MAGI1: variants seen among roughly 807,000 people sequenced by gnomAD.
The protein encoded by MAGI1 is membrane associated guanylate kinase, WW and PDZ domain containing 1.
MAGI1 carries 58 observed loss-of-function variants against 139.9 expected under a neutral mutation model. That is an observed-to-expected ratio of 0.41 (90% CI 0.34 to 0.52). MAGI1 has a LOEUF of 0.52. MAGI1 is among the 20% of genes least tolerant of loss of function. The pLI, the probability that MAGI1 is intolerant of heterozygous loss-of-function variation, is 0.12. For synonymous variants in MAGI1, 812 were observed against 737.9 expected (o/e 1.10, Z -1.63); for missense variants, 1,874 against 1,901.6 (o/e 0.99, Z 0.27).
At chr3:66,030,676 G>C (rs1308680907) in intron 1 of MAGI1, among the ~76,000 whole-genome samples, 1 of 152,128 alleles carries the variant, frequency 6.6e-6, no homozygotes, top group Non-Finnish European at 1.5e-5. Context: ...CCTGTAAGAT[G>C]ATCAGGTGGG....
In MAGI1 at chr3:65,958,038, T is replaced by C. The variant is rs75928690; in HGVS notation, c.313+79958A>G. ...CCTCCCAAAGTGCTGGAATTACAGG[T>C]GTGAGCCACCGCGCCTGGCCTAGTT... On this transcript the variant is annotated intron_variant, in intron 1 of 22. Coordinates refer to ENST00000402939, the MANE Select transcript of MAGI1 (RefSeq NM_001033057.2). Among the ~76,000 whole-genome samples, 1,223 of 152,168 alleles carry C rather than the reference T, an allele frequency of 8.0e-3. 43 individuals carry two copies. In the East Asian group the frequency reaches 0.1, roughly 13 times the overall value.
At position 65,418,263 on chromosome 3, in the gene MAGI1, T is replaced by C. The variant is rs73832834; in HGVS notation, c.2167+11257A>G. Among the ~76,000 whole-genome samples, 1,062 of 152,252 alleles carry C rather than the reference T, an allele frequency of 7.0e-3. 10 individuals are homozygous for C. The highest frequency in any genetic ancestry group is 0.024 in the African/African-American group (1,006 of 41,554). ...TATTACTGACGGTAAAGCTCACTTG[T>C]TAGTCTTGCCTCCCTAACTAGATTG... On this transcript the variant is annotated intron_variant, in intron 12 of 22. Transcript: ENST00000402939.
At chr3:65,500,561 T>C (rs1472042602) in intron 2 of MAGI1, among the ~76,000 whole-genome samples, 1 of 152,248 alleles carries the variant, frequency 6.6e-6, no homozygotes, top group Admixed American at 6.5e-5. Flanking sequence ...ACTGGGAACT[T>C]ATCTGCGCTA....
At chr3:65,488,326 T>A (rs1046029491) in intron 3 of MAGI1, among the ~76,000 whole-genome samples, 2 of 152,096 alleles carry the variant, frequency 1.3e-5, no homozygotes, top group Non-Finnish European at 2.9e-5. Context: ...AAAACACTCA[T>A]AACTTTTTTT....
chr3:66,032,519 C>T (rs2068674246), intron 1 of MAGI1, among the ~76,000 whole-genome samples: 1 of 151,516 alleles, frequency 6.6e-6, no homozygotes, highest in Non-Finnish European at 1.5e-5. Context: ...CACGCCTGGC[C>T]CTGCTGGGTC....
intron 5 of MAGI1, among the ~76,000 whole-genome samples, chr3:65,457,158 G>A (rs1292638430): frequency 6.6e-6 from 1 of 151,894 alleles, no homozygotes; most frequent in Non-Finnish European, 1.5e-5. Flanking sequence ...TATCAATTCT[G>A]AGTCTTCCTG....
chr3:65,731,972 C>G (rs961137374), intron 1 of MAGI1, among the ~76,000 whole-genome samples: 5 of 152,160 alleles, frequency 3.3e-5, no homozygotes, highest in African/African-American at 1.2e-4. Flanking sequence ...TGATATAATA[C>G]TGGGATACTG....
chr3:65,454,588 G>GT (rs1194855287), intron 5 of MAGI1, among the ~76,000 whole-genome samples: 2 of 149,046 alleles, frequency 1.3e-5, no homozygotes, highest in Non-Finnish European at 3.0e-5. Context: ...AAAAAAAGAA[G>GT]TTTTTTTAAA....
chr3:66,023,883 C>T (rs573860949), intron 1 of MAGI1, among the ~76,000 whole-genome samples: 2 of 152,222 alleles, frequency 1.3e-5, no homozygotes, highest in South Asian at 2.1e-4. Context: ...TTCTAAGACC[C>T]GGCAGACCAG....
chr3:65,755,268 A>G (rs1171563261), intron 1 of MAGI1, among the ~76,000 whole-genome samples: 1 of 152,168 alleles, frequency 6.6e-6, no homozygotes, highest in Admixed American at 6.5e-5. Context: ...CATTTGCATT[A>G]TATCAGCTAA....
chr3:65,826,082 T>A (rs1480885008), intron 1 of MAGI1, among the ~76,000 whole-genome samples: 1 of 152,146 alleles, frequency 6.6e-6, no homozygotes, highest in Non-Finnish European at 1.5e-5. Context: ...TATGTGTAGA[T>A]GTGTATGTGC....
intron 1 of MAGI1, among the ~76,000 whole-genome samples, chr3:65,743,827 G>T (rs6805688): frequency 6.6e-6 from 1 of 151,506 alleles, no homozygotes; most frequent in Non-Finnish European, 1.5e-5. Context: ...TTTTGTGTTG[G>T]TTCTCAAGTC....
At chr3:65,515,665 A>C (rs973295490) in intron 2 of MAGI1, among the ~76,000 whole-genome samples, 2 of 152,226 alleles carry the variant, frequency 1.3e-5, no homozygotes, top group Non-Finnish European at 2.9e-5. Flanking sequence ...CCCTATCAAC[A>C]GTTAAGTATC....
At chr3:65,674,178 C>A (rs1427439656) in intron 1 of MAGI1, among the ~76,000 whole-genome samples, 1 of 152,156 alleles carries the variant, frequency 6.6e-6, no homozygotes, top group Non-Finnish European at 1.5e-5. Flanking sequence ...ATGACCATAA[C>A]AAAAGAGCTC....
At chr3:66,004,529 ACATGGTGTGACTTTCTGT>A (rs1256458018) in intron 1 of MAGI1, among the ~76,000 whole-genome samples, 1 of 152,120 alleles carries the variant, frequency 6.6e-6, no homozygotes, top group African/African-American at 2.4e-5. Flanking sequence ...CTCAAGAGTC[ACATGGTGTGACTTTCTGT>A]CATACTCTGT....
At chr3:65,528,482 G>C (rs2372065) in intron 2 of MAGI1, among the ~76,000 whole-genome samples, 63,919 of 151,970 alleles carry the variant, frequency 0.42, 13,949 homozygotes, top group African/African-American at 0.5. Context: ...CCATGGAGTG[G>C]AAACTCCAAT....
chr3:66,004,310 T>C (rs966011612), intron 1 of MAGI1, among the ~76,000 whole-genome samples: 23 of 152,156 alleles, frequency 1.5e-4, no homozygotes, highest in African/African-American at 4.6e-4. Context: ...GGTGACTTGA[T>C]GGCTAAAGGC....
At chr3:65,646,361 T>C (rs1163574765) in intron 1 of MAGI1, among the ~76,000 whole-genome samples, 1 of 151,894 alleles carries the variant, frequency 6.6e-6, no homozygotes. Context: ...CAATCCTAAA[T>C]GTGTGTGCAC....
At chr3:65,811,144 C>T (rs541142975) in intron 1 of MAGI1, among the ~76,000 whole-genome samples, 1 of 152,300 alleles carries the variant, frequency 6.6e-6, no homozygotes, top group East Asian at 1.9e-4. Flanking sequence ...AAAACTGCCA[C>T]ACAGCCTTCA....
Sources: allele counts gnomAD v4.1 joint callset (sites outside exome capture counted in the v4.1 genomes callset), GRCh38; gene constraint gnomAD v4.1.1; transcripts MANE v1.5; gene names NCBI Gene and HGNC (gene_info 2026-07-23, HGNC 2026-07-21).